SMYD1: variants seen among roughly 807,000 people sequenced by gnomAD.
The protein encoded by SMYD1 is SET and MYND domain containing 1.
Under a neutral mutation model 54.0 loss-of-function variants are expected in SMYD1, and 49 were observed. That is an observed-to-expected ratio of 0.91 (90% CI 0.72 to 1.15). SMYD1 has a LOEUF of 1.15. Ranked by LOEUF, SMYD1 falls within the 50% of genes most tolerant of loss-of-function variation. SMYD1 has a pLI of 0.00. For synonymous variants in SMYD1, 269 were observed against 234.2 expected (o/e 1.15, Z -1.36); for missense variants, 653 against 639.6 (o/e 1.02, Z -0.23).
chr2:88,068,106 T>G, intron 1 of SMYD1, 105 bp downstream of exon 1: 2 of 1,442,506 alleles, frequency 1.4e-6, no homozygotes, highest in African/African-American at 2.9e-5. Context: ...AAAATTCATG[T>G]GCTCTTTTTT....
At chr2:88,094,624 A>G (rs1226258131) in intron 5 of SMYD1, among the ~76,000 whole-genome samples, 15 of 152,208 alleles carry the variant, frequency 9.9e-5, no homozygotes, top group Admixed American at 9.8e-4. Flanking sequence ...ATCTTTTCAT[A>G]TTTAAGTGAC....
chr2:88,095,823 C>G (rs1674573764), intron 5 of SMYD1, among the ~76,000 whole-genome samples: 1 of 152,186 alleles, frequency 6.6e-6, no homozygotes, highest in Admixed American at 6.5e-5. Flanking sequence ...GATGTCAGTT[C>G]TGCAGTGGGT....
Position 88,087,953 on chromosome 2 carries a change from G to C in SMYD1, c.406G>C (p.Val136Leu), listed in dbSNP as rs767321996. The change falls in exon 3 of 10, where the codon GTG becomes CTG. Residue 136 changes from valine (V) to leucine (L), a missense_variant. Physicochemically the swap from Val to Leu is conservative, Grantham distance 32 (BLOSUM62 1). Coordinates refer to ENST00000419482, the MANE Select transcript of SMYD1 (RefSeq NM_198274.4). ...GTCCGTGGACGACTTGCAGAACCAC[G>C]TGGAGCACTTTGGGGAGGAGGAGCA... The part of the protein sequence containing the change: ...LVSVDDLQNH[V>L]EHFGEEEQKD... 6.2e-7 allele frequency: 1 copy of C among 1,614,024 alleles called. No individual in the cohort carries two copies. The highest frequency in any genetic ancestry group is 8.5e-7 in the Non-Finnish European group (1 of 1,180,006).
intron 1 of SMYD1, among the ~76,000 whole-genome samples, chr2:88,081,161 C>T (rs1674182128): frequency 6.6e-6 from 1 of 152,048 alleles, no homozygotes; most frequent in South Asian, 2.1e-4. Context: ...CCTTGGCCTC[C>T]CAAAGTGCTG....
intron 7 of SMYD1, among the ~76,000 whole-genome samples, chr2:88,104,157 G>C (rs1176203805): frequency 1.3e-5 from 2 of 152,050 alleles, no homozygotes; most frequent in Non-Finnish European, 2.9e-5. Flanking sequence ...CAGTAGAGAA[G>C]GGGTTTCACC....
In SMYD1 at chr2:88,108,734, G is replaced by A. The variant is rs554973174; in HGVS notation, c.1314+195G>A. ...TACCCTAAATGAATACCTGAGACTG[G>A]GTAATTTATAAAGAAAAGAGGCTTA... On this transcript the variant is annotated intron_variant, in intron 9 of 9. Coordinates refer to ENST00000419482, the MANE Select transcript of SMYD1 (RefSeq NM_198274.4). Among the ~76,000 whole-genome samples, 37 of 152,284 alleles carry A rather than the reference G, an allele frequency of 2.4e-4. 1 individual carries two copies. In the South Asian group the frequency reaches 7.1e-3, roughly 29 times the overall value.
intron 1 of SMYD1, among the ~76,000 whole-genome samples, chr2:88,071,557 T>C (rs886594805): frequency 6.6e-6 from 1 of 152,296 alleles, no homozygotes; most frequent in East Asian, 1.9e-4. Flanking sequence ...GCATGACTAA[T>C]CAATCAGGCA....
At position 88,106,594 on chromosome 2, in the gene SMYD1, G is replaced by A. The variant is rs1674876520; in HGVS notation, c.1145+106G>A. 2.6e-5 allele frequency: 30 copies of A among 1,166,862 alleles called. 1 individual carries two copies. In the East Asian group the frequency reaches 6.9e-4, roughly 27 times the overall value. The allele number at this position is 1,166,862 out of a possible 1,614,324, so 72.3% of individuals were successfully genotyped here. A position where few individuals can be genotyped will look rare whatever the true frequency, so the allele number is the denominator to read the frequency against. On this transcript the variant is annotated intron_variant, in intron 8 of 9. Coordinates refer to ENST00000419482, the MANE Select transcript of SMYD1 (RefSeq NM_198274.4). ...GGTGCCTCTCCCTCCTATACCCACA[G>A]CAGGCGTCAGTAATCCATCATGGTT...
chr2:88,104,738 T>C (rs2104013256), intron 7 of SMYD1, among the ~76,000 whole-genome samples: 1 of 152,346 alleles, frequency 6.6e-6, no homozygotes, highest in Admixed American at 6.5e-5. Flanking sequence ...AATGGAATTG[T>C]ATGACATTTC....
intron 8 of SMYD1, 43 bp from the exon 9 acceptor site, chr2:88,108,328 G>C (rs1337122679): frequency 1.3e-6 from 2 of 1,497,364 alleles, no homozygotes; most frequent in Non-Finnish European, 1.8e-6. Flanking sequence ...GCAGATATAA[G>C]GGTGATTGGT....
chr2:88,093,726 A>G (rs1674513874), intron 5 of SMYD1, among the ~76,000 whole-genome samples, 171 bp downstream of exon 5: 1 of 151,764 alleles, frequency 6.6e-6, no homozygotes, highest in Non-Finnish European at 1.5e-5. Context: ...TTTTTTCCTT[A>G]CCCACATATC....
rs76854490 is a variant in SMYD1, at chr2:88,108,237, G to A, written c.1146-134G>A. ...CTCTGTGCCTCAGTTCCCCCTTGGCGGCTACAGAAGCCTTGCAGTGCTGAG... is the reference window on the plus strand; with the variant it reads ...CTCTGTGCCTCAGTTCCCCCTTGGCAGCTACAGAAGCCTTGCAGTGCTGAG... On this transcript the variant is annotated intron_variant, in intron 8 of 9. Coordinates refer to ENST00000419482, the MANE Select transcript of SMYD1 (RefSeq NM_198274.4). 1,615 of 787,870 alleles carry A rather than the reference G, an allele frequency of 2.0e-3. 25 individuals are homozygous for A. In the African/African-American group the frequency reaches 0.025, roughly 12 times the overall value. 48.8% of individuals were successfully genotyped at this position (787,870 alleles called of 1,614,324 possible).
At chr2:88,097,853 G>T (rs965102446) in intron 6 of SMYD1, among the ~76,000 whole-genome samples, 4 of 151,912 alleles carry the variant, frequency 2.6e-5, no homozygotes, top group African/African-American at 9.7e-5. Context: ...AAGCATACTC[G>T]GTTTCCATAC....
chr2:88,084,025 C>A (rs762397119), intron 1 of SMYD1, among the ~76,000 whole-genome samples: 1 of 151,874 alleles, frequency 6.6e-6, no homozygotes, highest in African/African-American at 2.4e-5. Flanking sequence ...ACCTGGGAGG[C>A]GGAGGTTGCA....
intron 1 of SMYD1, among the ~76,000 whole-genome samples, chr2:88,074,471 A>G (rs1346991419): frequency 6.6e-6 from 1 of 152,200 alleles, no homozygotes; most frequent in Non-Finnish European, 1.5e-5. Flanking sequence ...CAAGGTCTTT[A>G]ACTTAATCAC....
At chr2:88,086,598 G>A (rs1302507347) in intron 2 of SMYD1, among the ~76,000 whole-genome samples, 3 of 152,182 alleles carry the variant, frequency 2.0e-5, no homozygotes, top group Non-Finnish European at 4.4e-5. Flanking sequence ...CTTCCTGCAC[G>A]TGGCATGCCC....
Position 88,101,928 on chromosome 2 carries a change from C to A in SMYD1, c.889-1130C>A, listed in dbSNP as rs13402537. ...GCTGACATACCCATTGTTGATGGTC[C>A]CTGTCTGTGCTTTGATTGGTCAGTG... On this transcript the variant is annotated intron_variant, in intron 6 of 9. Transcript: ENST00000419482. 6.8e-3 allele frequency among the ~76,000 whole-genome samples: 1,031 copies of A among 152,276 alleles called. 12 individuals are homozygous for A. The highest frequency in any genetic ancestry group is 0.023 in the African/African-American group (956 of 41,556).
intron 1 of SMYD1, 129 bp downstream of exon 1, chr2:88,068,130 C>A: frequency 1.6e-6 from 2 of 1,262,940 alleles, no homozygotes; most frequent in Non-Finnish European, 2.2e-6. Context: ...CAAAATGGCA[C>A]TTCTGAGAGC....
In SMYD1 at chr2:88,112,423, G is replaced by A. The variant is rs1328320129; in HGVS notation, c.*1911G>A. The A allele has an allele frequency of 2.3e-6, 1 of 442,070 alleles. No homozygotes were observed. The highest frequency in any genetic ancestry group is 4.1e-6 in the Non-Finnish European group (1 of 244,590). The allele number at this position is 442,070 out of a possible 1,614,324, so 27.4% of individuals were successfully genotyped here. A position where few individuals can be genotyped will look rare whatever the true frequency, so the allele number is the denominator to read the frequency against. ...CCTTCTTCCCTTTGGAATGTACTCT[G>A]GATCCCTTCCCCTGCTTTGACCCCC... is the stretch of plus-strand genomic sequence containing the variant. On this transcript the variant is annotated 3_prime_UTR_variant, in exon 10 of 10. Transcript: ENST00000419482.
Sources: allele counts gnomAD v4.1 joint callset (sites outside exome capture counted in the v4.1 genomes callset), GRCh38; gene constraint gnomAD v4.1.1; transcripts MANE v1.5; gene names NCBI Gene and HGNC (gene_info 2026-07-23, HGNC 2026-07-21).